Variants in TRHDE observed in about 807,000 individuals in gnomAD.
TRHDE encodes thyrotropin releasing hormone degrading enzyme, also known as thyrotropin-releasing hormone-degrading ectoenzyme.
A neutral mutation model predicts 125.7 loss-of-function variants in TRHDE; 72 were observed. The observed-to-expected ratio is 0.57, with a 90% CI of 0.47 to 0.70. The LOEUF (loss-of-function observed/expected upper bound fraction) is 0.70, where lower values mean the gene tolerates loss of function less well. Among genes scored for constraint, TRHDE ranks in the 30% least tolerant of loss-of-function variants. The probability of loss-of-function intolerance (pLI) is 0.00; values close to 1 mark genes in which losing one functional copy is unlikely to be tolerated. For missense variants in TRHDE, 1,110 were observed against 1,327.1 expected, an observed-to-expected ratio of 0.84 and a Z score of 2.54; for synonymous variants, 509 against 509.1, an observed-to-expected ratio of 1.00 and a Z score of 0.00.
intron 1 of TRHDE, among the ~76,000 whole-genome samples, chr12:72,281,662 A>T (rs1879701576): frequency 6.6e-6 from 1 of 152,236 alleles, no homozygotes; most frequent in East Asian, 1.9e-4. Flanking sequence ...GCCATGAATC[A>T]ATCTGAATAC....
intron 2 of TRHDE, among the ~76,000 whole-genome samples, chr12:72,135,862 A>ATTT (rs544076259): frequency 0.035 from 5,197 of 147,402 alleles, 153 homozygotes; most frequent in African/African-American, 0.084. Context: ...ATTCTCTATG[A>ATTT]TTTTTTTTTT....
intron 15 of TRHDE, among the ~76,000 whole-genome samples, chr12:72,651,077 A>G (rs560077165): frequency 6.6e-6 from 1 of 152,278 alleles, no homozygotes; most frequent in South Asian, 2.1e-4. Flanking sequence ...CCTTTGTTTC[A>G]TTAAAAACAA....
chr12:72,114,166 GA>G (rs143492802), intron 2 of TRHDE, among the ~76,000 whole-genome samples: 20 of 132,664 alleles, frequency 1.5e-4, no homozygotes, highest in African/African-American at 3.3e-4. Context: ...TTTGGGGAAT[GA>G]AAAAAAAAAA....
intron 7 of TRHDE, among the ~76,000 whole-genome samples, chr12:72,551,798 A>G (rs190478707): frequency 1.3e-5 from 2 of 152,262 alleles, no homozygotes; most frequent in African/African-American, 4.8e-5. Flanking sequence ...AAAAAATGCT[A>G]GGAAGCAAAA....
chr12:72,630,896 A>T (rs1270594326), intron 15 of TRHDE, among the ~76,000 whole-genome samples: 8 of 150,090 alleles, frequency 5.3e-5, no homozygotes, highest in Admixed American at 1.3e-4. Flanking sequence ...CAAAAAAAAA[A>T]AAAACCTACC....
intron 2 of TRHDE, among the ~76,000 whole-genome samples, chr12:72,188,900 T>C (rs761673082): frequency 6.6e-6 from 1 of 152,198 alleles, no homozygotes; most frequent in Non-Finnish European, 1.5e-5. Context: ...GCTGCAAGAA[T>C]CTTCCCCATC....
At chr12:72,553,851 T>TC (rs1296378208) in intron 7 of TRHDE, among the ~76,000 whole-genome samples, 2 of 125,806 alleles carry the variant, frequency 1.6e-5, no homozygotes, top group Non-Finnish European at 3.5e-5. Flanking sequence ...TTTTCCTTCT[T>TC]TTTTTTTTTT....
intron 15 of TRHDE, among the ~76,000 whole-genome samples, chr12:72,627,758 C>T (rs549386525): frequency 6.6e-6 from 1 of 151,798 alleles, no homozygotes; most frequent in East Asian, 1.9e-4. Context: ...TAAGTTACTT[C>T]ACCCTCAAAC....
chr12:72,099,494 T>C (rs1472166799), intron 1 of TRHDE, among the ~76,000 whole-genome samples: 1 of 152,238 alleles, frequency 6.6e-6, no homozygotes, highest in Non-Finnish European at 1.5e-5. Flanking sequence ...TATGTATAGT[T>C]TGAATTTTTT....
At chr12:72,307,404 G>A (rs903297719) in intron 2 of TRHDE, among the ~76,000 whole-genome samples, 4 of 151,282 alleles carry the variant, frequency 2.6e-5, no homozygotes, top group African/African-American at 9.7e-5. Flanking sequence ...GGAACTCCTG[G>A]CGTCAAGTGG....
At position 72,322,893 on chromosome 12, in the gene TRHDE, T is replaced by C. The variant is rs191401985; in HGVS notation, c.1188+35939T>C. ...GGGTGCAGAAGCCTGGCTGGGGACT[T>C]AGCCTACCTAGGCTCTTGTCCTAGC... On this transcript the variant is annotated intron_variant, in intron 2 of 18. Transcript: ENST00000261180. Among the ~76,000 whole-genome samples, 126 of 152,240 alleles carry C rather than the reference T, an allele frequency of 8.3e-4. 1 individual carries two copies. The highest frequency in any genetic ancestry group is 1.6e-3 in the Admixed American group (24 of 15,274).
chr12:72,201,208 CA>C (rs1415384283), intron 2 of TRHDE, among the ~76,000 whole-genome samples: 4 of 151,966 alleles, frequency 2.6e-5, no homozygotes, highest in African/African-American at 9.7e-5. Context: ...TAAGGAATTT[CA>C]GTCAGTGAAA....
intron 8 of TRHDE, 82 bp downstream of exon 8, chr12:72,562,312 A>T: frequency 1.5e-6 from 1 of 665,204 alleles, no homozygotes; most frequent in East Asian, 2.7e-5. Context: ...GCCTTTATTG[A>T]CACCTGATAG....
chr12:72,313,986 T>C (rs1399782323), intron 2 of TRHDE, among the ~76,000 whole-genome samples: 1 of 152,160 alleles, frequency 6.6e-6, no homozygotes, highest in Admixed American at 6.5e-5. Context: ...CCACAGGACC[T>C]GGGAGCAAGG....
upstream of TRHDE, among the ~76,000 whole-genome samples, chr12:72,270,166 TACAGCCAGATACATATGG>T (rs1227451863): frequency 1.3e-5 from 2 of 152,150 alleles, no homozygotes; most frequent in Non-Finnish European, 2.9e-5. Context: ...TTAAAATGCA[TACAGCCAGATACATATGG>T]ACAGCAAGAG....
At position 72,151,859 on chromosome 12, in the gene TRHDE, G is replaced by A. The variant is rs935473718; in HGVS notation, n.279+46107G>A. Among the ~76,000 whole-genome samples, 102 of 152,294 alleles carry A rather than the reference G, an allele frequency of 6.7e-4. 1 individual carries two copies. In the East Asian group the frequency reaches 0.016, roughly 24 times the overall value. On this transcript the variant is annotated intron_variant and non_coding_transcript_variant, in intron 2 of 4. Transcript: ENST00000548156. ...CCTCCAGCTTTGTTCTTTGGGCTTA[G>A]GATTGACTTGGCAATGCAGGCTCTT...
intron 3 of TRHDE, among the ~76,000 whole-genome samples, chr12:72,424,248 A>G (rs1024430828): frequency 7.2e-5 from 11 of 152,014 alleles, no homozygotes; most frequent in Admixed American, 2.6e-4. Flanking sequence ...TGCCGTTGCC[A>G]CACTCCAGTC....
intron 12 of TRHDE, among the ~76,000 whole-genome samples, chr12:72,608,923 G>GTTCAAAAAA (rs1872544798): frequency 2.0e-5 from 3 of 152,142 alleles, no homozygotes; most frequent in Non-Finnish European, 2.9e-5. Flanking sequence ...GAACCTGGGG[G>GTTCAAAAAA]GGTTAGAAAA....
At chr12:72,314,480 A>G (rs1207421550) in intron 2 of TRHDE, among the ~76,000 whole-genome samples, 3 of 152,166 alleles carry the variant, frequency 2.0e-5, no homozygotes, top group Non-Finnish European at 2.9e-5. Flanking sequence ...CATTATAGAC[A>G]TTATCCACTA....
Sources: gnomAD v4.1 joint callset for allele counts (sites outside exome capture counted in the v4.1 genomes callset) on GRCh38, gnomAD v4.1.1 for gene constraint, MANE v1.5 for transcripts, NCBI Gene and HGNC (gene_info 2026-07-23, HGNC 2026-07-21) for gene names.